SLC22A23: variants seen among roughly 807,000 people sequenced by gnomAD.
SLC22A23 encodes ion transporter protein.
In SLC22A23, 26 loss-of-function variants were observed where a neutral mutation model predicts 61.0. The observed-to-expected ratio is 0.43, with a 90% CI of 0.31 to 0.59. The LOEUF is 0.59. Ranked by LOEUF, SLC22A23 falls within the 20% of genes least tolerant of loss-of-function variation. The pLI is 0.11. For synonymous variants in SLC22A23, 430 were observed against 413.9 expected (o/e 1.04, Z -0.47); for missense variants, 796 against 934.7 (o/e 0.85, Z 1.94).
At chr6:3,381,996 T>A (rs543635638) in intron 3 of SLC22A23, among the ~76,000 whole-genome samples, 2 of 152,348 alleles carry the variant, frequency 1.3e-5, no homozygotes, top group African/African-American at 4.8e-5. Flanking sequence ...CTTACCCTGA[T>A]GTCACGATGA....
At chr6:3,276,734 A>G (rs1340469368) in intron 9 of SLC22A23, 4 of 152,272 alleles carry the variant, frequency 2.6e-5, no homozygotes, top group African/African-American at 7.2e-5. Flanking sequence ...CTTCTGGTAC[A>G]GGGTCTTCGT....
Position 3,269,012 on chromosome 6 carries a change from C to T in SLC22A23, c.*4043G>A, listed in dbSNP as rs1357863079. 8 of 152,260 alleles carry T rather than the reference C, an allele frequency of 5.3e-5. No homozygotes were observed. The highest frequency in any genetic ancestry group is 2.1e-4 in the South Asian group (1 of 4,826). The allele number at this position is 152,260 out of a possible 1,614,324, so 9.4% of individuals were successfully genotyped here. Reference sequence around the variant, plus strand: ...TTTATTAAAGAAATATTGTCATTTTCGTTAAAAAATACATTAGAGAAGAGA... The same window carrying T: ...TTTATTAAAGAAATATTGTCATTTTTGTTAAAAAATACATTAGAGAAGAGA... On this transcript the variant is annotated 3_prime_UTR_variant, in exon 10 of 10. Transcript: ENST00000406686.
rs1403323085 is a variant in SLC22A23, at chr6:3,333,748, A to T, written c.914-9746T>A. ...TTTGCAAGTGTGGCCCCAGACCTGC[A>T]GCAGCAGCCTCACCTGGGGCCACCA... is the stretch of plus-strand genomic sequence containing the variant. On this transcript the variant is annotated intron_variant, in intron 3 of 9. Coordinates refer to ENST00000406686, the MANE Select transcript of SLC22A23 (RefSeq NM_015482.2). The surrounding 1 kb of genome is among the most constrained non-coding windows in gnomAD (Gnocchi z 4.1). Among the ~76,000 whole-genome samples the T allele has an allele frequency of 6.6e-6, 1 of 152,176 alleles. No homozygotes were observed. The highest frequency in any genetic ancestry group is 1.5e-5 in the Non-Finnish European group (1 of 68,036).
intron 4 of SLC22A23, among the ~76,000 whole-genome samples, chr6:3,305,239 G>A (rs1377565809): frequency 6.6e-6 from 1 of 152,172 alleles, no homozygotes; most frequent in East Asian, 1.9e-4. Flanking sequence ...GGATTACACA[G>A]CTATTTAATG....
intron 1 of SLC22A23, among the ~76,000 whole-genome samples, chr6:3,436,001 T>C (rs1397948779): frequency 1.3e-5 from 2 of 152,198 alleles, no homozygotes; most frequent in African/African-American, 4.8e-5. Flanking sequence ...CTTCCAAACC[T>C]GTAACAGAAT....
Position 3,410,424 on chromosome 6 carries a change from G to T in SLC22A23, c.759-82C>A. 1 of 1,416,834 alleles carries T rather than the reference G, an allele frequency of 7.1e-7. No homozygotes were observed. The highest frequency in any genetic ancestry group is 9.5e-7 in the Non-Finnish European group (1 of 1,053,308). 87.8% of individuals were successfully genotyped at this position (1,416,834 alleles called of 1,614,324 possible). A position where few individuals can be genotyped will look rare whatever the true frequency, so the allele number is the denominator to read the frequency against. On this transcript the variant is annotated intron_variant, in intron 2 of 9. Transcript: ENST00000406686. The surrounding 1 kb of genome is among the most constrained non-coding windows in gnomAD (Gnocchi z 5.0). ...GATGCTGAAACCCGGTGTCCAGCAG[G>T]CACTCAATATATGTTGAATGAGTAC...
chr6:3,295,000 A>G (rs1262753024), intron 5 of SLC22A23, among the ~76,000 whole-genome samples: 1 of 152,204 alleles, frequency 6.6e-6, no homozygotes, highest in African/African-American at 2.4e-5. Flanking sequence ...ATGCAACCGC[A>G]ATCCTAACCC....
At chr6:3,442,040 T>C (rs1405277831) in intron 1 of SLC22A23, among the ~76,000 whole-genome samples, 1 of 152,186 alleles carries the variant, frequency 6.6e-6, no homozygotes, top group East Asian at 1.9e-4. Flanking sequence ...TGTCTGCCGA[T>C]GGGTGAACAA....
chr6:3,446,203 G>A (rs1771888786), intron 1 of SLC22A23, among the ~76,000 whole-genome samples: 1 of 152,172 alleles, frequency 6.6e-6, no homozygotes, highest in Non-Finnish European at 1.5e-5. Flanking sequence ...GCCCCTGCCA[G>A]CCCTTCCCAG....
Position 3,390,084 on chromosome 6 carries a change from GGCCAGTT to G in SLC22A23, c.913+20097_913+20103del, listed in dbSNP as rs1767569493. On this transcript the variant is annotated intron_variant, in intron 3 of 9. Transcript: ENST00000406686. The surrounding 1 kb of genome is among the most constrained non-coding windows in gnomAD (Gnocchi z 4.0). ...GAGTTCTCCTGGCACGGCATCACTG[GGCCAGTT>G]GCCACCATCCGTCCGTGGGCTCATC... Among the ~76,000 whole-genome samples, 1 of 152,126 alleles carries G rather than the reference GGCCAGTT, an allele frequency of 6.6e-6. No homozygotes were observed. Among genetic ancestry groups the G allele is most frequent in the Admixed American group, 6.5e-5 (1 of 15,278 alleles).
At position 3,297,977 on chromosome 6, in the gene SLC22A23, C is replaced by A; in HGVS notation, c.1210+114G>T. 7.8e-7 allele frequency: 1 copy of A among 1,289,270 alleles called. No individual in the cohort carries two copies. The highest frequency in any genetic ancestry group is 1.0e-6 in the Non-Finnish European group (1 of 979,952). 79.9% of individuals were successfully genotyped at this position (1,289,270 alleles called of 1,614,324 possible). A position where few individuals can be genotyped will look rare whatever the true frequency, so the allele number is the denominator to read the frequency against. On this transcript the variant is annotated intron_variant, in intron 5 of 9. Transcript: ENST00000406686. The surrounding 1 kb of genome is among the most constrained non-coding windows in gnomAD (Gnocchi z 4.3). ...TGCCCTTGTGCAGGCCAAAAGGTCA[C>A]AGGAGAATTGCACAGCTGGTTAAAA...
In SLC22A23 at chr6:3,456,056, C is replaced by T; in HGVS notation, c.504G>A (p.Ala168=). The change falls in exon 1 of 10, where the codon GCG becomes GCA. Residue 168 remains alanine, a synonymous_variant. Coordinates refer to ENST00000406686, the MANE Select transcript of SLC22A23 (RefSeq NM_015482.2). This position sits in a 1 kb window ranked among gnomAD's most constrained non-coding sequence, Gnocchi z 7.1. ...CGCCGCTGCTGTTGCTCCGGTTGCC[C>T]GCAGCCTCCCAGGGGGCAGTGGCGA... ...TPFATAPWEA[A]GNRSNSSGAD... 1 of 1,549,022 alleles carries T rather than the reference C, an allele frequency of 6.5e-7. No individual in the cohort carries two copies. The highest frequency in any genetic ancestry group is 1.2e-5 in the South Asian group (1 of 84,028).
intron 3 of SLC22A23, among the ~76,000 whole-genome samples, chr6:3,358,794 A>G (rs753160653): frequency 8.5e-5 from 13 of 152,214 alleles, no homozygotes; most frequent in Non-Finnish European, 2.9e-5. Flanking sequence ...TGTTTCATCA[A>G]CCCAAGGAAA....
Position 3,308,194 on chromosome 6 carries a change from T to C in SLC22A23, c.1083-9976A>G, listed in dbSNP as rs1440129533. Among the ~76,000 whole-genome samples the C allele has an allele frequency of 6.6e-6, 1 of 152,152 alleles. No homozygotes were observed. The highest frequency in any genetic ancestry group is 2.4e-5 in the African/African-American group (1 of 41,424). ...AGTGGAAAATTTTATGTTACGTGTA[T>C]TTTACCACAATTAAAAGAAAATATT... On this transcript the variant is annotated intron_variant, in intron 4 of 9. Transcript: ENST00000406686. The surrounding 1 kb of genome is among the most constrained non-coding windows in gnomAD (Gnocchi z 5.1).
intron 4 of SLC22A23, among the ~76,000 whole-genome samples, chr6:3,311,050 G>T (rs114444353): frequency 1.3e-5 from 2 of 152,290 alleles, no homozygotes; most frequent in African/African-American, 2.4e-5. Flanking sequence ...ACATGCACTG[G>T]GCACCATCCA....
intron 1 of SLC22A23, among the ~76,000 whole-genome samples, chr6:3,425,100 T>C (rs1211602743): frequency 6.6e-6 from 1 of 152,056 alleles, no homozygotes; most frequent in African/African-American, 2.4e-5. Flanking sequence ...TCAAGTATAA[T>C]TTAATTTAAA....
intron 3 of SLC22A23, among the ~76,000 whole-genome samples, chr6:3,350,834 T>C (rs752214132): frequency 1.3e-5 from 2 of 152,196 alleles, no homozygotes; most frequent in African/African-American, 2.4e-5. Flanking sequence ...AAATGGAATT[T>C]CTTGGTGGTA....
intron 3 of SLC22A23, among the ~76,000 whole-genome samples, chr6:3,379,976 T>TGC (rs1270132453): frequency 1.0e-3 from 158 of 152,198 alleles, no homozygotes; most frequent in African/African-American, 3.7e-3. Flanking sequence ...TGTGTGTGTG[T>TGC]GCACGTGCGT....
At chr6:3,310,113 A>C (rs1413813191) in intron 4 of SLC22A23, among the ~76,000 whole-genome samples, 1 of 152,240 alleles carries the variant, frequency 6.6e-6, no homozygotes, top group Non-Finnish European at 1.5e-5. Context: ...TATCATGTAC[A>C]CAATGTTACT....
Sources: gnomAD v4.1 joint callset for allele counts (sites outside exome capture counted in the v4.1 genomes callset) on GRCh38, gnomAD v4.1.1 for gene constraint, Gnocchi (gnomAD v3.1) non-coding constraint, MANE v1.5 for transcripts, NCBI Gene and HGNC (gene_info 2026-07-23, HGNC 2026-07-21) for gene names.